MYO1E: variants seen among roughly 807,000 people sequenced by gnomAD.
The protein encoded by MYO1E is myosin IE.
MYO1E carries 68 observed loss-of-function variants against 151.1 expected under a neutral mutation model. The observed-to-expected ratio is 0.45, with a 90% CI of 0.37 to 0.55. The LOEUF (loss-of-function observed/expected upper bound fraction) is 0.55. Among genes scored for constraint, MYO1E ranks in the 20% least tolerant of loss-of-function variants. MYO1E has a pLI of 0.00. For missense variants in MYO1E, 1,363 were observed against 1,389.3 expected (o/e 0.98, Z 0.30); for synonymous variants, 601 against 501.7 (o/e 1.20, Z -2.64).
intron 3 of MYO1E, among the ~76,000 whole-genome samples, chr15:59,258,183 CTA>C (rs2140371839): frequency 6.6e-6 from 1 of 152,252 alleles, no homozygotes; most frequent in African/African-American, 2.4e-5. Flanking sequence ...CCAGTATCTA[CTA>C]AAAACACAAA....
chr15:59,262,436 G>A (rs1403700582), intron 2 of MYO1E, among the ~76,000 whole-genome samples: 1 of 151,954 alleles, frequency 6.6e-6, no homozygotes, highest in East Asian at 1.9e-4. Context: ...GGGCAACATA[G>A]CAAAACTCCA....
intron 9 of MYO1E, among the ~76,000 whole-genome samples, chr15:59,220,962 G>A (rs1388639731): frequency 7.1e-6 from 1 of 139,930 alleles, no homozygotes; most frequent in East Asian, 2.0e-4. Context: ...AAGCTCCTTA[G>A]GAATTGATAT....
chr15:59,160,203 A>G (rs2079529563), intron 24 of MYO1E, among the ~76,000 whole-genome samples: 1 of 152,056 alleles, frequency 6.6e-6, no homozygotes, highest in Admixed American at 6.5e-5. Context: ...TCTTAGAACA[A>G]TATCACAGTA....
intron 21 of MYO1E, among the ~76,000 whole-genome samples, chr15:59,172,467 A>C (rs2079601444): frequency 6.6e-6 from 1 of 152,212 alleles, no homozygotes; most frequent in Non-Finnish European, 1.5e-5. Context: ...ACTACTGTTG[A>C]GAGGCCATTC....
chr15:59,257,858 T>C (rs2080202927), intron 3 of MYO1E, among the ~76,000 whole-genome samples: 2 of 152,156 alleles, frequency 1.3e-5, no homozygotes, highest in African/African-American at 2.4e-5. Context: ...CCTCAGGATA[T>C]GGTTTTAAAT....
At chr15:59,260,391 A>C (rs1383893961) in intron 3 of MYO1E, among the ~76,000 whole-genome samples, 3 of 152,174 alleles carry the variant, frequency 2.0e-5, no homozygotes, top group African/African-American at 7.2e-5. Flanking sequence ...ATCTGGCAAC[A>C]ATGGGGTGGG....
chr15:59,303,877 G>A (rs1384291551), intron 1 of MYO1E, among the ~76,000 whole-genome samples: 1 of 151,882 alleles, frequency 6.6e-6, no homozygotes, highest in African/African-American at 2.4e-5. Context: ...ATAATGGCCC[G>A]TTTCCTGGAT....
Position 59,272,307 on chromosome 15 carries a change from A to T in MYO1E, c.146T>A (p.Phe49Tyr), listed in dbSNP as rs1451422895. 6.2e-7 allele frequency: 1 copy of T among 1,614,080 alleles called. No homozygotes were observed. The highest frequency in any genetic ancestry group is 8.5e-7 in the Non-Finnish European group (1 of 1,179,948). The change falls in exon 2 of 28, where the codon TTT (phenylalanine) becomes TAT (tyrosine). Residue 49 changes from phenylalanine to tyrosine, a missense_variant and splice_region_variant. Phe to Tyr is a conservative substitution (Grantham distance 22). Transcript: ENST00000288235. Reference protein sequence around the residue: ...LKKRYMDDYIFTYIGSVLISV... With the variant: ...LKKRYMDDYIYTYIGSVLISV... ...TCCAAAGCAGCCAATAAAGGATACA[A>T]AAATGTAGTCATCCATGTATCTCTT... is the stretch of plus-strand genomic sequence containing the variant.
chr15:59,180,732 C>T (rs901479), intron 18 of MYO1E, among the ~76,000 whole-genome samples: 1,634 of 152,262 alleles, frequency 0.011, 32 homozygotes, highest in African/African-American at 0.036. Context: ...AAACCAACAA[C>T]ACATGTTCTC....
chr15:59,173,926 C>A lies in MYO1E; in HGVS notation c.2165-11G>T, dbSNP rs763701060. 1.2e-6 allele frequency: 2 copies of A among 1,613,598 alleles called. No homozygotes were observed. The highest frequency in any genetic ancestry group is 4.5e-5 in the East Asian group (2 of 44,878). ...ATAAGAGGTCTGAGGCTACAATTCC[C>A]AAGAGGGTCAAGATGGAAGAAGGAT... is the stretch of plus-strand genomic sequence containing the variant. On this transcript the variant is annotated splice_polypyrimidine_tract_variant and intron_variant, in intron 20 of 27. Transcript: ENST00000288235.
intron 1 of MYO1E, among the ~76,000 whole-genome samples, chr15:59,327,182 C>A (rs2080670096): frequency 1.3e-5 from 2 of 152,210 alleles, no homozygotes; most frequent in Non-Finnish European, 1.5e-5. Flanking sequence ...ATGTAATCCT[C>A]CACCTTGTGT....
chr15:59,361,527 T>C (rs1236847497), intron 1 of MYO1E, among the ~76,000 whole-genome samples: 1 of 152,172 alleles, frequency 6.6e-6, no homozygotes, highest in African/African-American at 2.4e-5. Flanking sequence ...CAATGTTAGT[T>C]GTAATTCTTG....
At chr15:59,154,064 C>T (rs1332260970) in intron 25 of MYO1E, among the ~76,000 whole-genome samples, 3 of 152,164 alleles carry the variant, frequency 2.0e-5, no homozygotes, top group Non-Finnish European at 4.4e-5. Context: ...GTCAACTTCC[C>T]GGGATGTGCC....
At chr15:59,189,577 CTTTT>C (rs1429827039) in intron 17 of MYO1E, among the ~76,000 whole-genome samples, 1 of 151,710 alleles carries the variant, frequency 6.6e-6, no homozygotes, top group Non-Finnish European at 1.5e-5. Context: ...AACTTTCTTT[CTTTT>C]CTTTCTTTCT....
rs1220853370 is a variant in MYO1E, at chr15:59,137,362, G to A, written c.*18C>T. Reference sequence around the variant, plus strand: ...TGCCTGGAGCTCCTCTGCCCCATGTGTCAGAGTCACGGGCACCTCAGATCT... The same window carrying A: ...TGCCTGGAGCTCCTCTGCCCCATGTATCAGAGTCACGGGCACCTCAGATCT... On this transcript the variant is annotated 3_prime_UTR_variant, in exon 28 of 28. Coordinates refer to ENST00000288235, the MANE Select transcript of MYO1E (RefSeq NM_004998.4). The A allele has an allele frequency of 2.5e-6, 4 of 1,612,466 alleles. No individual in the cohort carries two copies. In the African/African-American group the frequency reaches 4.0e-5, roughly 16 times the overall value.
rs149523255 is a variant in MYO1E, at chr15:59,307,772, G to A, written c.4-35323C>T. On this transcript the variant is annotated intron_variant, in intron 1 of 27. Coordinates refer to ENST00000288235, the MANE Select transcript of MYO1E (RefSeq NM_004998.4). ...ATTATAGGCATGCACCACTATGGCC[G>A]GCTAACTTTCTATCTTTAGTAGAGG... Among the ~76,000 whole-genome samples, 338 of 151,952 alleles carry A rather than the reference G, an allele frequency of 2.2e-3. 1 individual carries two copies. Among genetic ancestry groups the A allele is most frequent in the African/African-American group, 7.5e-3 (310 of 41,514 alleles).
At chr15:59,166,945 G>C (rs1382863490) in intron 22 of MYO1E, among the ~76,000 whole-genome samples, 1 of 152,194 alleles carries the variant, frequency 6.6e-6, no homozygotes, top group African/African-American at 2.4e-5. Flanking sequence ...CCCCCTTCCA[G>C]AATGAGAGGA....
chr15:59,186,914 A>C (rs1397079538), intron 18 of MYO1E, among the ~76,000 whole-genome samples: 1 of 152,252 alleles, frequency 6.6e-6, no homozygotes, highest in South Asian at 2.1e-4. Flanking sequence ...TTTACAAACA[A>C]CACAAAATAA....
chr15:59,222,438 A>AT (rs1566983773), intron 9 of MYO1E, among the ~76,000 whole-genome samples: 1 of 152,006 alleles, frequency 6.6e-6, no homozygotes, highest in Non-Finnish European at 1.5e-5. Flanking sequence ...AAGAACCCTG[A>AT]TTTTTTTTCT....
Sources: gnomAD v4.1 joint callset for allele counts (sites outside exome capture counted in the v4.1 genomes callset) on GRCh38, gnomAD v4.1.1 for gene constraint, MANE v1.5 for transcripts, NCBI Gene and HGNC (gene_info 2026-07-23, HGNC 2026-07-21) for gene names.